Variants in FBXL2 observed in about 807,000 individuals in gnomAD.
FBXL2 encodes the protein F-box and leucine rich repeat protein 2, also known as F-box/LRR-repeat protein 2.
In FBXL2, 38 loss-of-function variants were observed where a neutral mutation model predicts 69.2. That is an observed-to-expected ratio of 0.55 (90% CI 0.42 to 0.72). The LOEUF is 0.72. FBXL2 is among the 30% of genes least tolerant of loss of function. The probability of loss-of-function intolerance (pLI) is 0.00; values close to 1 mark genes in which losing one functional copy is unlikely to be tolerated. For missense variants in FBXL2, 354 were observed against 520.3 expected, an observed-to-expected ratio of 0.68 and a Z score of 3.11; for synonymous variants, 192 against 201.3, an observed-to-expected ratio of 0.95 and a Z score of 0.39.
the FBXL2 span, among the ~76,000 whole-genome samples, chr3:33,412,318 T>C: frequency 6.6e-6 from 1 of 151,964 alleles, no homozygotes; most frequent in African/African-American, 2.4e-5. Context: ...CTCTCGGTTC[T>C]TTATAATACG....
chr3:33,302,094 C>G (rs1435362342), intron 2 of FBXL2, among the ~76,000 whole-genome samples: 1 of 152,064 alleles, frequency 6.6e-6, no homozygotes, highest in African/African-American at 2.4e-5. Flanking sequence ...TTAATAAATG[C>G]TATTTGACAA....
chr3:33,363,954 C>T (rs997111253), intron 4 of FBXL2, among the ~76,000 whole-genome samples: 1 of 151,994 alleles, frequency 6.6e-6, no homozygotes, highest in Non-Finnish European at 1.5e-5. Flanking sequence ...GGCACCAAAG[C>T]GAGACCCCCC....
At chr3:33,404,327 G>C (rs564063419), downstream of FBXL2, among the ~76,000 whole-genome samples, 2 of 151,988 alleles carry the variant, frequency 1.3e-5, no homozygotes, top group Non-Finnish European at 2.9e-5. Context: ...CAGGAGAATC[G>C]CTTGAACCTG....
intron 2 of FBXL2, among the ~76,000 whole-genome samples, chr3:33,312,435 T>C (rs1287047730): frequency 6.6e-6 from 1 of 152,214 alleles, no homozygotes; most frequent in Admixed American, 6.5e-5. Context: ...TTTGTTCCTT[T>C]GATGGTGTTA....
downstream of FBXL2, among the ~76,000 whole-genome samples, chr3:33,404,018 GTAGCCCAGGA>G (rs200508920): frequency 0.013 from 1,954 of 152,292 alleles, 40 homozygotes; most frequent in African/African-American, 0.044. Flanking sequence ...GGCCAAGGCG[GTAGCCCAGGA>G]TAGCCCAGGA....
In FBXL2 at chr3:33,373,844, C is replaced by T. The variant is rs2042457624; in HGVS notation, c.583-3C>T. 1 of 1,614,046 alleles carries T rather than the reference C, an allele frequency of 6.2e-7. No homozygotes were observed. Among genetic ancestry groups the T allele is most frequent in the African/African-American group, 1.3e-5 (1 of 74,920 alleles). On this transcript the variant is annotated splice_region_variant and splice_polypyrimidine_tract_variant and intron_variant, in intron 8 of 14. Transcript: ENST00000484457. Reference sequence around the variant, plus strand: ...CTGTCTTTTGTTTTCTCTGTCCACTCAGTTAGAAGATGAAGCTCTGAAACA... The same window carrying T: ...CTGTCTTTTGTTTTCTCTGTCCACTTAGTTAGAAGATGAAGCTCTGAAACA...
At chr3:33,346,455 C>T (rs756143212) in intron 2 of FBXL2, among the ~76,000 whole-genome samples, 28 of 151,822 alleles carry the variant, frequency 1.8e-4, no homozygotes, top group Non-Finnish European at 3.1e-4. Flanking sequence ...GCCTGTAGTC[C>T]TAACTACTCA....
downstream of FBXL2, chr3:33,390,074 C>A: frequency 2.3e-6 from 1 of 433,936 alleles, no homozygotes. Context: ...GAGCAGCAGG[C>A]AGCTATGCCT....
intron 1 of FBXL2, among the ~76,000 whole-genome samples, chr3:33,284,803 G>C (rs2034426102): frequency 6.6e-6 from 1 of 152,232 alleles, no homozygotes; most frequent in South Asian, 2.1e-4. Flanking sequence ...TTATGTAATG[G>C]CCTTCTTTGT....
At chr3:33,284,951 A>G (rs1043752743) in intron 1 of FBXL2, among the ~76,000 whole-genome samples, 2 of 152,074 alleles carry the variant, frequency 1.3e-5, no homozygotes, top group African/African-American at 2.4e-5. Context: ...TGCATGTGAT[A>G]TGGGTCTCCT....
intron 14 of FBXL2, among the ~76,000 whole-genome samples, chr3:33,384,812 G>C (rs561885756): frequency 6.6e-6 from 1 of 152,044 alleles, no homozygotes; most frequent in African/African-American, 2.4e-5. Flanking sequence ...AGGCCGAGGC[G>C]GGCGGATCAC....
chr3:33,348,124 C>CA (rs555604493), intron 2 of FBXL2, among the ~76,000 whole-genome samples: 42 of 152,120 alleles, frequency 2.8e-4, no homozygotes, highest in African/African-American at 1.0e-3. Context: ...GCATTTCCCC[C>CA]AATGCTTTCA....
intron 5 of FBXL2, 58 bp from the exon 6 acceptor site, chr3:33,373,034 G>T: frequency 1.4e-6 from 2 of 1,418,160 alleles, no homozygotes; most frequent in South Asian, 1.1e-5. Flanking sequence ...GGTTTCATAT[G>T]CCCTCTAGTG....
At chr3:33,416,536 CAACT>C in the FBXL2 span, among the ~76,000 whole-genome samples, 2 of 152,196 alleles carry the variant, frequency 1.3e-5, no homozygotes, top group African/African-American at 4.8e-5. Flanking sequence ...CCCATAACTA[CAACT>C]AACTTTTCTA....
At chr3:33,379,958 C>G (rs113274673) in intron 13 of FBXL2, among the ~76,000 whole-genome samples, 3 of 152,198 alleles carry the variant, frequency 2.0e-5, no homozygotes, top group African/African-American at 4.8e-5. Context: ...GAGGGCTGGG[C>G]ACGGTGGCTC....
In FBXL2 at chr3:33,378,723, T is replaced by C. The variant is rs763675594; in HGVS notation, c.933T>C (p.Cys311=). 21 of 1,614,036 alleles carry C rather than the reference T, an allele frequency of 1.3e-5. No homozygotes were observed. The African/African-American group carries it at 2.8e-4, about 22-fold the overall frequency. The change falls in exon 13 of 15, where the codon TGT becomes TGC. Residue 311 remains cysteine, a synonymous_variant. Transcript: ENST00000484457. ...CACTCATCCAGCTCTCCATTCACTG[T>C]CCTAAACTGCAAGCCCTGGTGAGTC... The part of the protein sequence containing the change: ...DSTLIQLSIH[C]PKLQALSLSH...
intron 2 of FBXL2, among the ~76,000 whole-genome samples, chr3:33,338,610 A>G (rs1331250217): frequency 6.6e-6 from 1 of 152,204 alleles, no homozygotes; most frequent in Non-Finnish European, 1.5e-5. Flanking sequence ...TAGAGAACCC[A>G]TAAATAGAGC....
intron 2 of FBXL2, among the ~76,000 whole-genome samples, chr3:33,334,827 T>A (rs2039446510): frequency 6.6e-6 from 1 of 152,072 alleles, no homozygotes; most frequent in Admixed American, 6.6e-5. Context: ...ACATCTGTAA[T>A]CCCAGCACTT....
chr3:33,378,094 C>T lies in FBXL2; in HGVS notation c.850-9C>T. On this transcript the variant is annotated splice_polypyrimidine_tract_variant and intron_variant, in intron 11 of 14. Coordinates refer to ENST00000484457, the MANE Select transcript of FBXL2 (RefSeq NM_012157.5). ...TCACATGTGGGGTGTGTCTTGTGGA[C>T]TCTTCCAGAATTGCCACGAATTGGA... 6.2e-7 allele frequency: 1 copy of T among 1,614,138 alleles called. No homozygotes were observed. Among genetic ancestry groups the T allele is most frequent in the Non-Finnish European group, 8.5e-7 (1 of 1,179,958 alleles).
Sources: gnomAD v4.1 joint callset for allele counts (sites outside exome capture counted in the v4.1 genomes callset) on GRCh38, gnomAD v4.1.1 for gene constraint, MANE v1.5 for transcripts, NCBI Gene and HGNC (gene_info 2026-07-23, HGNC 2026-07-21) for gene names.